PCDHGA11: variants seen among roughly 807,000 people sequenced by gnomAD.
PCDHGA11 encodes protocadherin gamma-A11.
A neutral mutation model predicts 60.4 loss-of-function variants in PCDHGA11; 39 were observed. That is an observed-to-expected ratio of 0.65 (90% CI 0.50 to 0.84). The LOEUF (loss-of-function observed/expected upper bound fraction) is 0.84. PCDHGA11 is among the 40% of genes least tolerant of loss of function. The pLI, the probability that PCDHGA11 is intolerant of heterozygous loss-of-function variation, is 0.00. For synonymous variants in PCDHGA11, 533 were observed against 510.3 expected, an observed-to-expected ratio of 1.04 and a Z score of -0.60; for missense variants, 1,165 against 1,197.7, an observed-to-expected ratio of 0.97 and a Z score of 0.40.
At position 141,421,880 on chromosome 5, in the gene PCDHGA11, G is replaced by A. The variant is rs761272704; in HGVS notation, c.653G>A (p.Gly218Glu). ...AHLLLLTALD[G>E]GDPIRKGAVP... ...CTGCTCCTCCTCACAGCTTTAGATGGAGGCGATCCCATCCGAAAGGGCGCA... is the reference window on the plus strand; with the variant it reads ...CTGCTCCTCCTCACAGCTTTAGATGAAGGCGATCCCATCCGAAAGGGCGCA... The change falls in exon 1 of 4, where the codon GGA becomes GAA. Residue 218 changes from glycine to glutamate, a missense_variant. By Grantham distance (98) the Gly-to-Glu change is moderately conservative. Transcript: ENST00000398587. The A allele has an allele frequency of 1.9e-6, 3 of 1,613,600 alleles. No individual in the cohort carries two copies. The highest frequency in any genetic ancestry group is 4.5e-5 in the East Asian group (2 of 44,892).
rs746968245 is a variant in PCDHGA11, at chr5:141,489,575, A to AC, written c.2434-5227dup. 2 of 1,613,788 alleles carry AC rather than the reference A, an allele frequency of 1.2e-6. No homozygotes were observed. Among genetic ancestry groups the AC allele is most frequent in the Non-Finnish European group, 1.7e-6 (2 of 1,179,960 alleles). On this transcript the variant is annotated intron_variant, in intron 1 of 3. Coordinates refer to ENST00000398587, the MANE Select transcript of PCDHGA11 (RefSeq NM_018914.3). The surrounding 1 kb of genome is among the most constrained non-coding windows in gnomAD (Gnocchi z 4.5). ...CTGCCAGTGCAGGTGGTGACTGAACACCCCCTGGAGCTAATCCGTGTAGAG... is the reference window on the plus strand; with the variant it reads ...CTGCCAGTGCAGGTGGTGACTGAACACCCCCCTGGAGCTAATCCGTGTAGAG...
rs183952562 is a variant in PCDHGA11 at position 141,423,399 on chromosome 5, C to A, written c.2172C>A (p.Arg724=). Residue 724 remains arginine, a synonymous_variant, in exon 1 of 4, where the codon CGC becomes CGA. Transcript: ENST00000398587. ...ALRLWRWHKS[R]LLQASEGGLA... ...GGCTGTGGCGCTGGCATAAGTCACG[C>A]CTGCTGCAGGCTTCTGAAGGCGGGT... 3.5e-5 allele frequency: 56 copies of A among 1,614,150 alleles called. No homozygotes were observed. The East Asian group carries it at 1.1e-3, about 33-fold the overall frequency.
rs373297942 is a variant in PCDHGA11 at position 141,431,494 on chromosome 5, C to G, written c.2433+7834C>G. ...ACAACGCACCAGCGTTTGCTCAGCCCGAGTACCGCGCGAGCGTTCCGGAGA... is the reference window on the plus strand; with the variant it reads ...ACAACGCACCAGCGTTTGCTCAGCCGGAGTACCGCGCGAGCGTTCCGGAGA... On this transcript the variant is annotated intron_variant, in intron 1 of 3. Transcript: ENST00000398587. This position sits in a 1 kb window ranked among gnomAD's most constrained non-coding sequence, Gnocchi z 4.8. 16 of 1,613,838 alleles carry G rather than the reference C, an allele frequency of 9.9e-6. No individual in the cohort carries two copies. The highest frequency in any genetic ancestry group is 1.4e-5 in the Non-Finnish European group (16 of 1,180,030).
In PCDHGA11 at chr5:141,505,352, C is replaced by T. The variant is rs371829394; in HGVS notation, c.2493-41C>T. 1.5e-5 allele frequency: 25 copies of T among 1,613,302 alleles called. No individual in the cohort carries two copies. In the South Asian group the frequency reaches 2.7e-4, roughly 18 times the overall value. ...AGGACAGGAGGGGCATGAGCTGTGCCGGCCTGGGAGTCTGTGCTCACCATC... is the reference window on the plus strand; with the variant it reads ...AGGACAGGAGGGGCATGAGCTGTGCTGGCCTGGGAGTCTGTGCTCACCATC... On this transcript the variant is annotated intron_variant, in intron 2 of 3. Transcript: ENST00000398587.
intron 1 of PCDHGA11, chr5:141,478,583 C>CT (rs754743497): frequency 5.7e-6 from 9 of 1,578,146 alleles, no homozygotes; most frequent in South Asian, 1.1e-5. Flanking sequence ...CCTGTTAGTG[C>CT]TTTTTTATTC....
Position 141,432,949 on chromosome 5 carries a change from C to T in PCDHGA11, c.2433+9289C>T. 1.2e-6 allele frequency: 2 copies of T among 1,614,184 alleles called. No homozygotes were observed. Among genetic ancestry groups the T allele is most frequent in the Non-Finnish European group, 1.7e-6 (2 of 1,180,040 alleles). On this transcript the variant is annotated intron_variant, in intron 1 of 3. Coordinates refer to ENST00000398587, the MANE Select transcript of PCDHGA11 (RefSeq NM_018914.3). This position sits in a 1 kb window ranked among gnomAD's most constrained non-coding sequence, Gnocchi z 6.0. Reference sequence around the variant, plus strand: ...CACGCCTGCTGCAGGCTTCAGGAGGCGGCTTGACAGGAGCGCCGGCGTCGC... The same window carrying T: ...CACGCCTGCTGCAGGCTTCAGGAGGTGGCTTGACAGGAGCGCCGGCGTCGC...
chr5:141,421,709 C>T lies in PCDHGA11; in HGVS notation c.482C>T (p.Pro161Leu). 6.2e-7 allele frequency: 1 copy of T among 1,613,926 alleles called. No individual in the cohort carries two copies. The highest frequency in any genetic ancestry group is 8.5e-7 in the Non-Finnish European group (1 of 1,179,844). Reference protein sequence around the residue: ...ARFALPNARDPDVGVNSLQSY... With the variant: ...ARFALPNARDLDVGVNSLQSY... ...TTTGCTCTTCCTAATGCTAGGGATC[C>T]AGATGTGGGCGTGAACTCCCTCCAG... The change falls in exon 1 of 4, where the codon CCA becomes CTA. Residue 161 changes from proline (P) to leucine (L), a missense_variant. Coordinates refer to ENST00000398587, the MANE Select transcript of PCDHGA11 (RefSeq NM_018914.3).
Position 141,423,332 on chromosome 5 carries a change from C to T in PCDHGA11, c.2105C>T (p.Ser702Phe). 6.2e-7 allele frequency: 1 copy of T among 1,614,198 alleles called. No homozygotes were observed. The highest frequency in any genetic ancestry group is 1.1e-5 in the South Asian group (1 of 91,084). The change falls in exon 1 of 4, where the codon TCC becomes TTC. Residue 702 changes from serine to phenylalanine, a missense_variant. By Grantham distance (155) the Ser-to-Phe change is radical. Transcript: ENST00000398587. ...LYLVVAVAAVSCIFLVFVIVL... is the reference protein window; with the variant it reads ...LYLVVAVAAVFCIFLVFVIVL... ...TTGGTGGTGGCGGTGGCCGCAGTCTCCTGCATCTTCCTGGTCTTTGTCATC... is the reference window on the plus strand; with the variant it reads ...TTGGTGGTGGCGGTGGCCGCAGTCTTCTGCATCTTCCTGGTCTTTGTCATC...
rs757110751 is a variant in PCDHGA11 at position 141,423,067 on chromosome 5, G to C, written c.1840G>C (p.Glu614Gln). The change falls in exon 1 of 4, where the codon GAG becomes CAG. Residue 614 changes from glutamate (E) to glutamine (Q), a missense_variant. Physicochemically the swap from Glu to Gln is conservative, Grantham distance 29. Transcript: ENST00000398587. Reference sequence around the variant, plus strand: ...GTCCTATCGCCTGCTTAAGGCCAGCGAGCCGGGACTCTTCGCGGTGGGGGA... The same window carrying C: ...GTCCTATCGCCTGCTTAAGGCCAGCCAGCCGGGACTCTTCGCGGTGGGGGA... ...WLSYRLLKAS[E>Q]PGLFAVGEHT... 2.2e-5 allele frequency: 36 copies of C among 1,614,024 alleles called. No homozygotes were observed. Among genetic ancestry groups the C allele is most frequent in the Non-Finnish European group, 2.9e-5 (34 of 1,180,036 alleles).
Position 141,486,239 on chromosome 5 carries a change from C to G in PCDHGA11, c.2434-8568C>G, listed in dbSNP as rs751510109. On this transcript the variant is annotated intron_variant, in intron 1 of 3. Transcript: ENST00000398587. The surrounding 1 kb of genome is among the most constrained non-coding windows in gnomAD (Gnocchi z 5.0). ...CCCTTACATCACAGTGACCTCAGAG[C>G]TTGGAACCCTCCCCGAGAGTGCAGA... 6.2e-7 allele frequency: 1 copy of G among 1,614,160 alleles called. No individual in the cohort carries two copies. Among genetic ancestry groups the G allele is most frequent in the Admixed American group, 1.7e-5 (1 of 60,020 alleles).
At chr5:141,435,875 T>C (rs1324511823) in intron 1 of PCDHGA11, among the ~76,000 whole-genome samples, 1 of 152,100 alleles carries the variant, frequency 6.6e-6, no homozygotes, top group African/African-American at 2.4e-5. Flanking sequence ...AGAAAAGAGA[T>C]TGGAAACCCC....
chr5:141,487,889 T>C lies in PCDHGA11; in HGVS notation c.2434-6918T>C, dbSNP rs984668596. On this transcript the variant is annotated intron_variant, in intron 1 of 3. Transcript: ENST00000398587. The surrounding 1 kb of genome is among the most constrained non-coding windows in gnomAD (Gnocchi z 5.0). ...CAAGAGCCAGGCTGTTGTGGAAGCA[T>C]GATGATGGAATGTGGGAGCACAGGA... 6.7e-6 allele frequency: 5 copies of C among 747,180 alleles called. No homozygotes were observed. The highest frequency in any genetic ancestry group is 1.1e-5 in the Non-Finnish European group (5 of 464,054). The allele number at this position is 747,180 out of a possible 1,614,324, so 46.3% of individuals were successfully genotyped here. A position where few individuals can be genotyped will look rare whatever the true frequency, so the allele number is the denominator to read the frequency against.
chr5:141,476,783 G>C lies in PCDHGA11; in HGVS notation c.2434-18024G>C. ...GACGGCGTTGGACGGAGGGACCCCAGCTCTCTCCGCCAGCCTGCCTATTCA... is the reference window on the plus strand; with the variant it reads ...GACGGCGTTGGACGGAGGGACCCCACCTCTCTCCGCCAGCCTGCCTATTCA... On this transcript the variant is annotated intron_variant, in intron 1 of 3. Coordinates refer to ENST00000398587, the MANE Select transcript of PCDHGA11 (RefSeq NM_018914.3). This position sits in a 1 kb window ranked among gnomAD's most constrained non-coding sequence, Gnocchi z 7.6. The C allele has an allele frequency of 6.2e-7, 1 of 1,613,510 alleles. No homozygotes were observed. The highest frequency in any genetic ancestry group is 8.5e-7 in the Non-Finnish European group (1 of 1,180,030).
At chr5:141,494,972 C>T (rs1005793988) in intron 2 of PCDHGA11, 107 bp downstream of exon 2, 69 of 1,581,734 alleles carry the variant, frequency 4.4e-5, no homozygotes, top group Non-Finnish European at 5.9e-5. Context: ...TGGCTTCTCC[C>T]TCAGTTTGAG....
chr5:141,462,652 A>T (rs201168659), intron 1 of PCDHGA11, among the ~76,000 whole-genome samples: 1 of 80,348 alleles, frequency 1.2e-5, no homozygotes, highest in African/African-American at 7.4e-5. Flanking sequence ...TTCCATCCTC[A>T]ATTATCTTCA....
chr5:141,489,089 A>C lies in PCDHGA11; in HGVS notation c.2434-5718A>C. 6 of 284,452 alleles carry C rather than the reference A, an allele frequency of 2.1e-5. No individual in the cohort carries two copies. The highest frequency in any genetic ancestry group is 5.7e-5 in the East Asian group (1 of 17,568). The allele number at this position is 284,452 out of a possible 1,614,324, so 17.6% of individuals were successfully genotyped here. A position where few individuals can be genotyped will look rare whatever the true frequency, so the allele number is the denominator to read the frequency against. Reference sequence around the variant, plus strand: ...CCCTGCCCACCCCCGCCACTCGGTGACTAAGAACTGCTGCAAGCAGGCAAA... The same window carrying C: ...CCCTGCCCACCCCCGCCACTCGGTGCCTAAGAACTGCTGCAAGCAGGCAAA... On this transcript the variant is annotated intron_variant, in intron 1 of 3. Transcript: ENST00000398587. This position sits in a 1 kb window ranked among gnomAD's most constrained non-coding sequence, Gnocchi z 4.5.
At chr5:141,492,637 C>T (rs2099742781) in intron 1 of PCDHGA11, among the ~76,000 whole-genome samples, 1 of 152,260 alleles carries the variant, frequency 6.6e-6, no homozygotes, top group South Asian at 2.1e-4. Context: ...CTCTACGATC[C>T]TTGGGCCAGA....
chr5:141,469,436 G>A (rs556417221), intron 1 of PCDHGA11, among the ~76,000 whole-genome samples: 11 of 152,118 alleles, frequency 7.2e-5, no homozygotes, highest in East Asian at 1.9e-4. Flanking sequence ...TTAGCTGGGC[G>A]TGGTGGTGCA....
Position 141,485,855 on chromosome 5 carries a change from C to A in PCDHGA11, c.2434-8952C>A. ...CCCGCCGAGATCTGGCACCGCAGAG[C>A]TCCGGGTATCCGTGCTGGACGTAAA... On this transcript the variant is annotated intron_variant, in intron 1 of 3. Transcript: ENST00000398587. The surrounding 1 kb of genome is among the most constrained non-coding windows in gnomAD (Gnocchi z 5.7). 6.2e-7 allele frequency: 1 copy of A among 1,614,196 alleles called. No homozygotes were observed. Among genetic ancestry groups the A allele is most frequent in the Non-Finnish European group, 8.5e-7 (1 of 1,180,036 alleles).
Sources: gnomAD v4.1 joint callset for allele counts (sites outside exome capture counted in the v4.1 genomes callset) on GRCh38, gnomAD v4.1.1 for gene constraint, Gnocchi (gnomAD v3.1) non-coding constraint, MANE v1.5 for transcripts, NCBI Gene and HGNC (gene_info 2026-07-23, HGNC 2026-07-21) for gene names.